Variants in ENDOD1 observed in about 807,000 individuals in gnomAD.
ENDOD1 encodes the protein endonuclease domain-containing 1 protein.
Under a neutral mutation model 6.5 loss-of-function variants are expected in ENDOD1, and 9 were observed. The ratio of observed to expected loss-of-function variants is 1.39; its 90% CI spans 0.84 to 2.43. The LOEUF is 2.43. Ranked by LOEUF, ENDOD1 falls within the 30% of genes most tolerant of loss-of-function variation. The pLI is 0.00. For synonymous variants in ENDOD1, 255 were observed against 255.2 expected (o/e 1.00, Z 0.01); for missense variants, 648 against 635.5 (o/e 1.02, Z -0.21).
intron 1 of ENDOD1, among the ~76,000 whole-genome samples, chr11:95,117,448 T>C (rs976124622): frequency 2.6e-5 from 4 of 152,194 alleles, no homozygotes; most frequent in Non-Finnish European, 5.9e-5. Flanking sequence ...GGTGCTCCCA[T>C]GTTGGTTACC....
intron 1 of ENDOD1, among the ~76,000 whole-genome samples, chr11:95,107,204 C>T (rs117026473): frequency 0.016 from 2,392 of 151,654 alleles, 38 homozygotes; most frequent in Middle Eastern, 0.027. Flanking sequence ...TTTAAGAAGT[C>T]TGGGTTGTAG....
chr11:95,107,176 G>C (rs1476336463), intron 1 of ENDOD1, among the ~76,000 whole-genome samples: 2 of 149,956 alleles, frequency 1.3e-5, no homozygotes, highest in African/African-American at 2.5e-5. Context: ...GGGTGGAGGG[G>C]AACTTTTTTT....
intron 1 of ENDOD1, among the ~76,000 whole-genome samples, chr11:95,124,035 C>T (rs541802474): frequency 5.3e-5 from 8 of 152,072 alleles, no homozygotes; most frequent in Non-Finnish European, 1.2e-4. Flanking sequence ...TCCTTGAAGT[C>T]AACCAGTAGA....
At chr11:95,094,763 C>G (rs1279636286) in intron 1 of ENDOD1, among the ~76,000 whole-genome samples, 7 of 152,208 alleles carry the variant, frequency 4.6e-5, no homozygotes, top group Non-Finnish European at 7.3e-5. Context: ...ACTTAAATCT[C>G]TGTGTAAGGA....
intron 1 of ENDOD1, among the ~76,000 whole-genome samples, chr11:95,120,817 G>A (rs1437143894): frequency 6.6e-6 from 1 of 152,132 alleles, no homozygotes; most frequent in African/African-American, 2.4e-5. Context: ...CTACAGTGGC[G>A]AGGCTTGTGG....
At chr11:95,124,240 T>C (rs1295655969) in intron 1 of ENDOD1, among the ~76,000 whole-genome samples, 1 of 152,216 alleles carries the variant, frequency 6.6e-6, no homozygotes, top group Non-Finnish European at 1.5e-5. Context: ...TACTAATTAT[T>C]GGAATACTGG....
intron 1 of ENDOD1, among the ~76,000 whole-genome samples, chr11:95,100,311 G>C (rs782521346): frequency 6.6e-6 from 1 of 151,952 alleles, no homozygotes; most frequent in Non-Finnish European, 1.5e-5. Flanking sequence ...TACTCTGAAG[G>C]CCTCTTTGGA....
At chr11:95,094,898 T>TCATTAAAG (rs1312801022) in intron 1 of ENDOD1, among the ~76,000 whole-genome samples, 1 of 152,244 alleles carries the variant, frequency 6.6e-6, no homozygotes, top group Non-Finnish European at 1.5e-5. Context: ...CATTAAAGGT[T>TCATTAAAG]GTAAAAGTGT....
Position 95,110,705 on chromosome 11 carries a change from G to C in ENDOD1, c.301-17672G>C, listed in dbSNP as rs1565446439. Reference sequence around the variant, plus strand: ...GTCAGTCATTCTAGCCCTCTGCAGAGACTCCTTATCCTCCTGTACATTCTA... The same window carrying C: ...GTCAGTCATTCTAGCCCTCTGCAGACACTCCTTATCCTCCTGTACATTCTA... On this transcript the variant is annotated intron_variant, in intron 1 of 1. Transcript: ENST00000278505. Among the ~76,000 whole-genome samples the C allele has an allele frequency of 2.0e-5, 3 of 152,186 alleles. No homozygotes were observed. In the East Asian group the frequency reaches 5.8e-4, roughly 29 times the overall value.
At position 95,132,628 on chromosome 11, in the gene ENDOD1, T is replaced by A. The variant is rs1173194696; in HGVS notation, c.*3049T>A. 1 of 152,208 alleles carries A rather than the reference T, an allele frequency of 6.6e-6. No homozygotes were observed. Among genetic ancestry groups the A allele is most frequent in the African/African-American group, 2.4e-5 (1 of 41,444 alleles). The allele number at this position is 152,208 out of a possible 1,614,324, so 9.4% of individuals were successfully genotyped here. On this transcript the variant is annotated 3_prime_UTR_variant, in exon 2 of 2. Transcript: ENST00000278505. ...TGATGTGCACCTTGCAGATGCTCAA[T>A]AAAGTAATTACTGACAACTCGTTAG... is the stretch of plus-strand genomic sequence containing the variant.
At chr11:95,105,281 C>A (rs1555111319) in intron 1 of ENDOD1, among the ~76,000 whole-genome samples, 1 of 152,104 alleles carries the variant, frequency 6.6e-6, no homozygotes, top group African/African-American at 2.4e-5. Context: ...TGCTCAAGTC[C>A]CTTATGTAAA....
chr11:95,103,347 C>G (rs1859059829), intron 1 of ENDOD1, among the ~76,000 whole-genome samples: 1 of 152,078 alleles, frequency 6.6e-6, no homozygotes, highest in South Asian at 2.1e-4. Flanking sequence ...TTTATTCATT[C>G]CTGGTCAGCA....
intron 1 of ENDOD1, among the ~76,000 whole-genome samples, chr11:95,104,850 C>G (rs961570428): frequency 6.6e-6 from 1 of 152,170 alleles, no homozygotes; most frequent in Admixed American, 6.5e-5. Context: ...TCCCATGGCT[C>G]AGCCTGGCTG....
intron 1 of ENDOD1, among the ~76,000 whole-genome samples, chr11:95,108,046 C>G (rs566613579): frequency 1.3e-5 from 2 of 152,200 alleles, no homozygotes; most frequent in Non-Finnish European, 2.9e-5. Flanking sequence ...GAGGTGTCCC[C>G]GGGAGAGTCT....
chr11:95,129,069 C>T lies in ENDOD1; in HGVS notation c.993C>T (p.Leu331=). ...SEGSSSFLGK[L]MGFIATPFIK... is the part of the protein sequence containing the mutation. The stretch of plus-strand genomic sequence containing the variant: ...GAAGTAGTAGCTTTTTGGGAAAACT[C>T]ATGGGCTTCATTGCTACCCCATTCA... The change falls in exon 2 of 2, where the codon CTC becomes CTT. Residue 331 remains leucine, a synonymous_variant. Coordinates refer to ENST00000278505, the MANE Select transcript of ENDOD1 (RefSeq NM_015036.3). The T allele has an allele frequency of 6.2e-7, 1 of 1,614,056 alleles. No individual in the cohort carries two copies. Among genetic ancestry groups the T allele is most frequent in the Middle Eastern group, 1.6e-4 (1 of 6,062 alleles).
intron 1 of ENDOD1, among the ~76,000 whole-genome samples, chr11:95,110,085 T>C (rs991523002): frequency 6.6e-5 from 10 of 152,236 alleles, no homozygotes; most frequent in Non-Finnish European, 1.3e-4. Flanking sequence ...TTTTCAGTGG[T>C]CTTTTTCCCT....
Position 95,128,786 on chromosome 11 carries a change from T to A in ENDOD1, c.710T>A (p.Val237Asp). The A allele has an allele frequency of 1.2e-6, 2 of 1,614,142 alleles. No homozygotes were observed. The highest frequency in any genetic ancestry group is 1.7e-6 in the Non-Finnish European group (2 of 1,180,030). The change falls in exon 2 of 2, where the codon GTC becomes GAC. Residue 237 changes from valine (V) to aspartate (D), a missense_variant. Val to Asp is a radical substitution (Grantham distance 152). Coordinates refer to ENST00000278505, the MANE Select transcript of ENDOD1 (RefSeq NM_015036.3). ...GGAGGAGGCTGGGCCATGGGCTTTG[T>A]CAAGCACACCCGGGACAGTGACATC... ...VPGGGWAMGF[V>D]KHTRDSDIIE...
At chr11:95,123,909 G>A (rs1037289059) in intron 1 of ENDOD1, among the ~76,000 whole-genome samples, 2 of 152,040 alleles carry the variant, frequency 1.3e-5, no homozygotes, top group Non-Finnish European at 2.9e-5. Context: ...GGTCTGGCAG[G>A]GGCAACTTTG....
intron 1 of ENDOD1, among the ~76,000 whole-genome samples, chr11:95,095,756 G>A (rs1263901846): frequency 1.3e-5 from 2 of 152,094 alleles, no homozygotes; most frequent in Non-Finnish European, 2.9e-5. Context: ...ACTGAGGTTC[G>A]GAGTAGTTAA....
Sources: gnomAD v4.1 joint callset for allele counts (sites outside exome capture counted in the v4.1 genomes callset) on GRCh38, gnomAD v4.1.1 for gene constraint, MANE v1.5 for transcripts, NCBI Gene and HGNC (gene_info 2026-07-23, HGNC 2026-07-21) for gene names.